The following MKLN1 variants were observed in gnomAD, a reference collection of about 807,000 sequenced individuals.
The protein encoded by MKLN1 is muskelin.
A neutral mutation model predicts 99.0 loss-of-function variants in MKLN1; 18 were observed. The ratio of observed to expected loss-of-function variants is 0.18; its 90% CI spans 0.13 to 0.27. The LOEUF is 0.27. Ranked by LOEUF, MKLN1 falls within the 10% of genes least tolerant of loss-of-function variation. The pLI is 1.00. For synonymous variants in MKLN1, 288 were observed against 293.2 expected (o/e 0.98, Z 0.18); for missense variants, 621 against 875.9 (o/e 0.71, Z 3.67).
intron 4 of MKLN1, among the ~76,000 whole-genome samples, chr7:131,389,650 G>A (rs1368027464): frequency 6.6e-6 from 1 of 151,842 alleles, no homozygotes; most frequent in Non-Finnish European, 1.5e-5. Context: ...TTTCCTATAG[G>A]ATTTATTATT....
At chr7:131,464,182 C>T (rs1028035522) in intron 13 of MKLN1, 112 bp from the exon 14 acceptor site, 13 of 547,360 alleles carry the variant, frequency 2.4e-5, no homozygotes, top group South Asian at 1.2e-4. Context: ...ACGATGTGAA[C>T]GCATTTCTAA....
At chr7:131,202,142 T>C (rs1796736555) in intron 2 of MKLN1, among the ~76,000 whole-genome samples, 1 of 140,346 alleles carries the variant, frequency 7.1e-6, no homozygotes, top group South Asian at 2.2e-4. Flanking sequence ...TTTGGCACTA[T>C]TGACTTTTTT....
rs1797489617 is a variant in MKLN1, at chr7:131,494,066, A to G, written c.*6338A>G. The G allele has an allele frequency of 6.6e-6, 1 of 152,214 alleles. No homozygotes were observed. The highest frequency in any genetic ancestry group is 2.1e-4 in the South Asian group (1 of 4,834). 9.4% of individuals were successfully genotyped at this position (152,214 alleles called of 1,614,324 possible). ...GTTGGTTTTATTTTCTAGCCCTTTA[A>G]CATAGGAGGAAAATTGTCATTTCAT... On this transcript the variant is annotated 3_prime_UTR_variant, in exon 18 of 18. Coordinates refer to ENST00000352689, the MANE Select transcript of MKLN1 (RefSeq NM_013255.5).
chr7:131,230,832 C>T (rs1797230612), intron 3 of MKLN1, among the ~76,000 whole-genome samples: 2 of 151,930 alleles, frequency 1.3e-5, no homozygotes, highest in South Asian at 4.2e-4. Flanking sequence ...GTTTATATGT[C>T]TCTTTTGGCC....
intron 11 of MKLN1, among the ~76,000 whole-genome samples, chr7:131,444,623 C>T (rs530771152): frequency 1.1e-4 from 16 of 151,822 alleles, no homozygotes; most frequent in African/African-American, 3.6e-4. Context: ...GATCGTAGCT[C>T]ACTACAGCCT....
intron 2 of MKLN1, among the ~76,000 whole-genome samples, chr7:131,376,135 T>G (rs1183029044): frequency 3.9e-4 from 1 of 2,572 alleles, no homozygotes; most frequent in Admixed American, 5.1e-3. Flanking sequence ...TATATATATA[T>G]GTATGATGTA....
At chr7:131,254,722 AAGAT>A (rs1018690353) in intron 3 of MKLN1, among the ~76,000 whole-genome samples, 21 of 152,172 alleles carry the variant, frequency 1.4e-4, no homozygotes, top group African/African-American at 9.7e-5. Context: ...AGCAAATTTG[AAGAT>A]AGATAGAGAT....
At chr7:131,297,861 A>C (rs528199897) in intron 3 of MKLN1, among the ~76,000 whole-genome samples, 1 of 152,252 alleles carries the variant, frequency 6.6e-6, no homozygotes, top group Non-Finnish European at 1.5e-5. Flanking sequence ...GAAGCAGCTC[A>C]GGTTCAGCCT....
At chr7:131,328,748 T>A (rs1234586456) in intron 1 of MKLN1, among the ~76,000 whole-genome samples, 2 of 152,224 alleles carry the variant, frequency 1.3e-5, no homozygotes, top group African/African-American at 4.8e-5. Flanking sequence ...TTTAATGAAT[T>A]TGATTTTCAA....
In MKLN1 at chr7:131,203,744, C is replaced by T. The variant is rs569532020; in HGVS notation, c.-179+770C>T. Among the ~76,000 whole-genome samples the T allele has an allele frequency of 7.9e-5, 12 of 152,250 alleles. No individual in the cohort carries two copies. In the East Asian group the frequency reaches 1.7e-3, roughly 22 times the overall value. ...AGTGCCCTGCTCCTGCCTGGAGAGT[C>T]GGCTTCTCATAGCCTTTCCCACTCT... On this transcript the variant is annotated intron_variant, in intron 3 of 7. Coordinates refer to the MKLN1 transcript ENST00000416992.
At chr7:131,212,678 C>T (rs1796922899) in intron 3 of MKLN1, among the ~76,000 whole-genome samples, 1 of 152,166 alleles carries the variant, frequency 6.6e-6, no homozygotes, top group South Asian at 2.1e-4. Context: ...AATCCCAGCA[C>T]TTTGGGAGGC....
At chr7:131,263,346 T>TAATAATAATAA (rs1554544033) in intron 3 of MKLN1, among the ~76,000 whole-genome samples, 33 of 128,130 alleles carry the variant, frequency 2.6e-4, no homozygotes, top group South Asian at 9.5e-4. Context: ...TCTACAATTA[T>TAATAATAATAA]TAATAATAAT....
intron 1 of MKLN1, among the ~76,000 whole-genome samples, chr7:131,111,182 T>A (rs1198005399): frequency 6.6e-6 from 1 of 152,182 alleles, no homozygotes; most frequent in Non-Finnish European, 1.5e-5. Flanking sequence ...TGGGATTAAC[T>A]GAAAGGCTAA....
intron 3 of MKLN1, 47 bp from the exon 4 acceptor site, chr7:131,388,837 T>C (rs2116887592): frequency 7.9e-7 from 1 of 1,270,532 alleles, no homozygotes; most frequent in East Asian, 2.4e-5. Context: ...CTAGTGCATT[T>C]ACTAAATTAT....
At chr7:131,282,363 A>AG (rs1554546448) in intron 3 of MKLN1, among the ~76,000 whole-genome samples, 2 of 151,862 alleles carry the variant, frequency 1.3e-5, no homozygotes, top group African/African-American at 4.8e-5. Flanking sequence ...AAAAAAAAAA[A>AG]AAAAAAGAAA....
At chr7:131,300,754 C>T (rs1446296711) in intron 3 of MKLN1, among the ~76,000 whole-genome samples, 1 of 151,592 alleles carries the variant, frequency 6.6e-6, no homozygotes, top group African/African-American at 2.4e-5. Flanking sequence ...GCATTCATAC[C>T]ACCATCACCT....
At chr7:131,251,506 C>T (rs1205950534) in intron 3 of MKLN1, among the ~76,000 whole-genome samples, 2 of 152,100 alleles carry the variant, frequency 1.3e-5, no homozygotes, top group Non-Finnish European at 1.5e-5. Context: ...ACTTGCTGAC[C>T]TCCATCTCCA....
chr7:131,437,641 A>C, intron 9 of MKLN1, 144 bp from the exon 10 acceptor site: 1 of 643,370 alleles, frequency 1.6e-6, no homozygotes, highest in South Asian at 2.0e-5. Flanking sequence ...TGTTGGACTC[A>C]TATTGGTTGA....
At chr7:131,242,394 G>A (rs2129559) in intron 3 of MKLN1, among the ~76,000 whole-genome samples, 87,264 of 151,804 alleles carry the variant, frequency 0.57, 26,301 homozygotes, top group East Asian at 0.92. Flanking sequence ...AAATTAGCTG[G>A]TTATGGTGGG....
Sources: allele counts gnomAD v4.1 joint callset (sites outside exome capture counted in the v4.1 genomes callset), GRCh38; gene constraint gnomAD v4.1.1; transcripts MANE v1.5; gene names NCBI Gene and HGNC (gene_info 2026-07-23, HGNC 2026-07-21).